Variants in DNAJC1 observed in about 807,000 individuals in gnomAD.
DNAJC1 encodes dnaJ homolog subfamily C member 1.
In DNAJC1, 58 loss-of-function variants were observed where a neutral mutation model predicts 76.6. The ratio of observed to expected loss-of-function variants is 0.76; its 90% CI spans 0.61 to 0.94. The LOEUF (loss-of-function observed/expected upper bound fraction) is 0.94. DNAJC1 is among the 40% of genes least tolerant of loss of function. DNAJC1 has a pLI of 0.00. For missense variants in DNAJC1, 689 were observed against 677.3 expected, an observed-to-expected ratio of 1.02 and a Z score of -0.19; for synonymous variants, 258 against 267.9, an observed-to-expected ratio of 0.96 and a Z score of 0.36.
chr10:21,758,271 C>T (rs1834199415), intron 11 of DNAJC1, among the ~76,000 whole-genome samples: 1 of 152,222 alleles, frequency 6.6e-6, no homozygotes, highest in South Asian at 2.1e-4. Flanking sequence ...GAGGCACAGA[C>T]AGCGGAAGAG....
At chr10:21,887,222 A>G (rs1836381145) in intron 7 of DNAJC1, among the ~76,000 whole-genome samples, 1 of 152,002 alleles carries the variant, frequency 6.6e-6, no homozygotes, top group African/African-American at 2.4e-5. Context: ...ACAAAACTCA[A>G]ATAAAGAAAT....
chr10:21,918,940 A>G, intron 5 of DNAJC1, 68 bp from the exon 6 acceptor site: 1 of 1,074,948 alleles, frequency 9.3e-7, no homozygotes, highest in Non-Finnish European at 1.4e-6. Context: ...TTGGGAGGCA[A>G]AATAATTCTA....
chr10:21,995,859 CAT>C (rs1838408900), intron 1 of DNAJC1, among the ~76,000 whole-genome samples: 1 of 152,110 alleles, frequency 6.6e-6, no homozygotes. Context: ...GGAAATGAAA[CAT>C]AAATTCTAGA....
intron 9 of DNAJC1, 83 bp from the exon 10 acceptor site, chr10:21,766,392 G>C: frequency 1.0e-6 from 1 of 1,003,954 alleles, no homozygotes. Context: ...TAAGCTCCAT[G>C]TGAATGAACA....
intron 9 of DNAJC1, among the ~76,000 whole-genome samples, chr10:21,776,261 A>C (rs920974919): frequency 3.9e-5 from 6 of 152,212 alleles, no homozygotes; most frequent in African/African-American, 1.4e-4. Flanking sequence ...TGTTCAACGT[A>C]AAGAAGAATT....
At chr10:21,833,056 A>C (rs547340167) in intron 8 of DNAJC1, among the ~76,000 whole-genome samples, 2 of 152,378 alleles carry the variant, frequency 1.3e-5, no homozygotes, top group African/African-American at 4.8e-5. Context: ...AGGTGGAAGT[A>C]ATCTTGCCAT....
At chr10:21,921,754 T>A (rs1426727031) in intron 3 of DNAJC1, among the ~76,000 whole-genome samples, 1 of 152,042 alleles carries the variant, frequency 6.6e-6, no homozygotes, top group Non-Finnish European at 1.5e-5. Flanking sequence ...CTTGGTACTA[T>A]CAGGATAAAA....
intron 8 of DNAJC1, among the ~76,000 whole-genome samples, chr10:21,820,512 G>A (rs967286844): frequency 2.5e-4 from 38 of 152,142 alleles, no homozygotes; most frequent in Admixed American, 2.3e-3. Flanking sequence ...AGGCTTCTGT[G>A]ACCCACAACA....
chr10:21,796,283 C>T (rs772268366), intron 9 of DNAJC1, among the ~76,000 whole-genome samples: 2 of 152,034 alleles, frequency 1.3e-5, no homozygotes, highest in Non-Finnish European at 2.9e-5. Flanking sequence ...CCTTCTTTTT[C>T]ATGAATGAAT....
chr10:21,950,278 T>G (rs1425920431), intron 1 of DNAJC1, among the ~76,000 whole-genome samples: 2 of 152,230 alleles, frequency 1.3e-5, no homozygotes, highest in Non-Finnish European at 2.9e-5. Context: ...TTCAAACATT[T>G]TCATTATTAT....
intron 9 of DNAJC1, among the ~76,000 whole-genome samples, chr10:21,772,583 G>A (rs1012599748): frequency 6.6e-6 from 1 of 151,778 alleles, no homozygotes. Flanking sequence ...TGGCAGTAAT[G>A]TCCTTTTTTT....
At chr10:21,848,004 G>C (rs1401501492) in intron 8 of DNAJC1, among the ~76,000 whole-genome samples, 2 of 152,094 alleles carry the variant, frequency 1.3e-5, no homozygotes, top group African/African-American at 4.8e-5. Flanking sequence ...TCGGATGGTA[G>C]ATCTATTTGT....
chr10:21,915,338 G>A lies in DNAJC1; in HGVS notation c.729+3441C>T, dbSNP rs540653238. Among the ~76,000 whole-genome samples, 6 of 152,262 alleles carry A rather than the reference G, an allele frequency of 3.9e-5. No homozygotes were observed. In the East Asian group the frequency reaches 7.7e-4, roughly 20 times the overall value. On this transcript the variant is annotated intron_variant, in intron 6 of 11. Transcript: ENST00000376980. ...CCAGACGACCTTATGTATGTGAAGC[G>A]TAGCAAAGGAATGGGTATTTAGAGG...
intron 8 of DNAJC1, among the ~76,000 whole-genome samples, chr10:21,835,860 T>C (rs536591133): frequency 1.2e-4 from 19 of 152,280 alleles, no homozygotes; most frequent in African/African-American, 4.6e-4. Flanking sequence ...TTGGCGTACC[T>C]GAAAGTGACA....
intron 8 of DNAJC1, among the ~76,000 whole-genome samples, chr10:21,820,180 G>T (rs1835135764): frequency 6.6e-6 from 1 of 152,090 alleles, no homozygotes; most frequent in Non-Finnish European, 1.5e-5. Context: ...TCATAAAAAT[G>T]GAATCATATA....
intron 6 of DNAJC1, among the ~76,000 whole-genome samples, chr10:21,904,848 T>G (rs1360392601): frequency 6.6e-6 from 1 of 152,164 alleles, no homozygotes; most frequent in East Asian, 1.9e-4. Flanking sequence ...CTCTCAGATA[T>G]GGAAAGGAGG....
At chr10:21,801,416 A>T (rs373944681) in intron 9 of DNAJC1, among the ~76,000 whole-genome samples, 1 of 152,220 alleles carries the variant, frequency 6.6e-6, no homozygotes, top group South Asian at 2.1e-4. Flanking sequence ...AGAAATGCAA[A>T]TCAAAACCAT....
At chr10:21,964,206 AATTTT>A (rs1027286885) in intron 1 of DNAJC1, among the ~76,000 whole-genome samples, 8 of 152,010 alleles carry the variant, frequency 5.3e-5, no homozygotes, top group African/African-American at 1.9e-4. Flanking sequence ...TGCTACCCCA[AATTTT>A]ATTTTATTAT....
intron 1 of DNAJC1, among the ~76,000 whole-genome samples, chr10:21,941,005 AC>A (rs1196474444): frequency 3.3e-5 from 5 of 150,670 alleles, no homozygotes; most frequent in Non-Finnish European, 5.9e-5. Flanking sequence ...TAATCCCAGC[AC>A]TTTGGGAGGC....
Sources: gnomAD v4.1 joint callset for allele counts (sites outside exome capture counted in the v4.1 genomes callset) on GRCh38, gnomAD v4.1.1 for gene constraint, MANE v1.5 for transcripts, NCBI Gene and HGNC (gene_info 2026-07-23, HGNC 2026-07-21) for gene names.